TMEM232: variants seen among roughly 807,000 people sequenced by gnomAD.
The protein encoded by TMEM232 is transmembrane protein 232.
A neutral mutation model predicts 78.8 loss-of-function variants in TMEM232; 80 were observed. The observed-to-expected ratio is 1.01, with a 90% CI of 0.85 to 1.22. TMEM232 has a LOEUF of 1.22. TMEM232 is among the 50% of genes most tolerant of loss of function. TMEM232 has a pLI of 0.00. For missense variants in TMEM232, 881 were observed against 742.2 expected (o/e 1.19, Z -2.17); for synonymous variants, 297 against 254.3 (o/e 1.17, Z -1.60).
chr5:110,647,024 T>C (rs565945601), intron 2 of TMEM232, among the ~76,000 whole-genome samples: 27 of 151,930 alleles, frequency 1.8e-4, no homozygotes, highest in African/African-American at 6.0e-4. Flanking sequence ...ATACTGGAAG[T>C]ATAAGTTGTA....
intron 12 of TMEM232, among the ~76,000 whole-genome samples, chr5:110,526,620 A>G (rs893069274): frequency 2.6e-5 from 4 of 151,980 alleles, no homozygotes; most frequent in African/African-American, 9.7e-5. Flanking sequence ...ATAAACTTGC[A>G]CAACTCCTCT....
intron 12 of TMEM232, among the ~76,000 whole-genome samples, chr5:110,452,075 A>T (rs1760362265): frequency 6.6e-6 from 1 of 152,160 alleles, no homozygotes; most frequent in Non-Finnish European, 1.5e-5. Context: ...TTACTTCTAA[A>T]GTAAAGCTGG....
chr5:110,513,285 C>G (rs1290846353), intron 12 of TMEM232, among the ~76,000 whole-genome samples: 2 of 151,934 alleles, frequency 1.3e-5, no homozygotes, highest in Non-Finnish European at 2.9e-5. Context: ...CAAAAATGAA[C>G]AAGTGGAATT....
At chr5:110,496,324 T>C (rs1385251880) in intron 12 of TMEM232, among the ~76,000 whole-genome samples, 1 of 152,020 alleles carries the variant, frequency 6.6e-6, no homozygotes. Flanking sequence ...GCTCCTTGCA[T>C]AGAAGCTGCA....
intron 1 of TMEM232, among the ~76,000 whole-genome samples, chr5:110,689,815 C>T (rs575984159): frequency 6.6e-6 from 1 of 152,028 alleles, no homozygotes; most frequent in Admixed American, 6.6e-5. Context: ...AGAATAGAGG[C>T]CACAGAAATA....
chr5:110,433,067 G>T (rs1438594413), intron 12 of TMEM232, among the ~76,000 whole-genome samples: 1 of 151,732 alleles, frequency 6.6e-6, no homozygotes, highest in East Asian at 1.9e-4. Flanking sequence ...GATATAATTA[G>T]ATAGTTCATC....
chr5:110,655,386 C>A (rs879262992), intron 2 of TMEM232, among the ~76,000 whole-genome samples: 58 of 149,452 alleles, frequency 3.9e-4, no homozygotes, highest in Non-Finnish European at 6.5e-4. Context: ...GAATGGCTAT[C>A]ATTAAAAAGT....
At chr5:110,450,503 T>C (rs1290300092) in intron 12 of TMEM232, among the ~76,000 whole-genome samples, 1 of 152,200 alleles carries the variant, frequency 6.6e-6, no homozygotes, top group Non-Finnish European at 1.5e-5. Context: ...TATTGCGAGT[T>C]AATTCATGTC....
At chr5:110,524,002 C>T (rs1769986069) in intron 12 of TMEM232, among the ~76,000 whole-genome samples, 2 of 145,044 alleles carry the variant, frequency 1.4e-5, no homozygotes, top group East Asian at 2.0e-4. Context: ...TGGTGGCTCA[C>T]GCCTGTAATC....
chr5:110,572,787 C>T (rs1271987736), intron 10 of TMEM232, among the ~76,000 whole-genome samples: 1 of 152,002 alleles, frequency 6.6e-6, no homozygotes, highest in Non-Finnish European at 1.5e-5. Flanking sequence ...AATCATTACA[C>T]CCAACTGACT....
intron 10 of TMEM232, among the ~76,000 whole-genome samples, chr5:110,596,404 G>T (rs1780174792): frequency 6.6e-6 from 1 of 152,156 alleles, no homozygotes. Flanking sequence ...TCCAGGACCA[G>T]ATGGATTCAC....
upstream of TMEM232, among the ~76,000 whole-genome samples, chr5:110,727,788 C>T (rs1317693206): frequency 6.6e-6 from 1 of 152,108 alleles, no homozygotes; most frequent in East Asian, 1.9e-4. Flanking sequence ...TGATCTCAGG[C>T]TTCTCTGACG....
rs988280206 is a variant in TMEM232, at chr5:110,449,027, T to C, written c.1704-24111A>G. Among the ~76,000 whole-genome samples the C allele has an allele frequency of 4.5e-4, 68 of 152,090 alleles. 1 individual carries two copies. Among genetic ancestry groups the C allele is most frequent in the African/African-American group, 1.6e-3 (66 of 41,544 alleles). The stretch of plus-strand genomic sequence containing the variant: ...ATTAAAGCAAATCAAAGTAATATTA[T>C]GTAGCTTACATGAGACTGTTGAAAC... On this transcript the variant is annotated intron_variant, in intron 12 of 13. Coordinates refer to ENST00000455884, the MANE Select transcript of TMEM232 (RefSeq NM_001039763.4).
intron 2 of TMEM232, among the ~76,000 whole-genome samples, chr5:110,405,582 T>C (rs1454528108): frequency 6.6e-6 from 1 of 150,882 alleles, no homozygotes; most frequent in African/African-American, 2.4e-5. Context: ...AGTTGTAAAA[T>C]AAAAAAAATT....
At chr5:110,442,467 T>A (rs1244855185) in intron 12 of TMEM232, among the ~76,000 whole-genome samples, 1 of 152,018 alleles carries the variant, frequency 6.6e-6, no homozygotes, top group Non-Finnish European at 1.5e-5. Flanking sequence ...CTGCTTGATT[T>A]AAAAAAATAA....
Position 110,579,201 on chromosome 5 carries a change from C to T in TMEM232, c.1277-10576G>A, listed in dbSNP as rs1197843483. Among the ~76,000 whole-genome samples, 3 of 148,154 alleles carry T rather than the reference C, an allele frequency of 2.0e-5. No individual in the cohort carries two copies. The East Asian group carries it at 6.0e-4, about 29-fold the overall frequency. On this transcript the variant is annotated intron_variant, in intron 10 of 13. Transcript: ENST00000455884. ...CCAGAAGGGAGTGAGATGATATGTT[C>T]AAAGGGATGGAAGAAAAAAAATCTG...
At chr5:110,578,396 C>T (rs1184066449) in intron 10 of TMEM232, among the ~76,000 whole-genome samples, 1 of 151,940 alleles carries the variant, frequency 6.6e-6, no homozygotes, top group Non-Finnish European at 1.5e-5. Flanking sequence ...CATTATGTTA[C>T]ATGCAAAACC....
intron 1 of TMEM232, among the ~76,000 whole-genome samples, chr5:110,694,603 G>C (rs1580698255): frequency 6.6e-6 from 1 of 152,052 alleles, no homozygotes; most frequent in Non-Finnish European, 1.5e-5. Context: ...TAAAGGGATG[G>C]AGGAAGATCT....
At chr5:110,616,346 G>A (rs888314929) in intron 8 of TMEM232, among the ~76,000 whole-genome samples, 13 of 151,840 alleles carry the variant, frequency 8.6e-5, no homozygotes, top group African/African-American at 3.1e-4. Flanking sequence ...CATGGTATTG[G>A]GAGAACTGAA....
Sources: gnomAD v4.1 joint callset for allele counts (sites outside exome capture counted in the v4.1 genomes callset) on GRCh38, gnomAD v4.1.1 for gene constraint, MANE v1.5 for transcripts, NCBI Gene and HGNC (gene_info 2026-07-23, HGNC 2026-07-21) for gene names.